The following PID1 variants were observed in gnomAD, a reference collection of about 807,000 sequenced individuals.
The protein encoded by PID1 is PTB-containing, cubilin and LRP1-interacting protein.
PID1 carries 10 observed loss-of-function variants against 19.1 expected under a neutral mutation model. The observed-to-expected ratio is 0.52, with a 90% CI of 0.32 to 0.89. The LOEUF is 0.89. Ranked by LOEUF, PID1 falls within the 40% of genes least tolerant of loss-of-function variation. The pLI is 0.03. For missense variants in PID1, 248 were observed against 285.3 expected (o/e 0.87, Z 0.94); for synonymous variants, 130 against 116.0 (o/e 1.12, Z -0.78).
At chr2:229,086,456 GT>G (rs1355262538) in intron 2 of PID1, among the ~76,000 whole-genome samples, 1 of 152,144 alleles carries the variant, frequency 6.6e-6, no homozygotes, top group Non-Finnish European at 1.5e-5. Context: ...CCAAGGGACA[GT>G]TTCTACTGAA....
intron 1 of PID1, among the ~76,000 whole-genome samples, chr2:229,251,041 T>C (rs1463052517): frequency 6.6e-6 from 1 of 152,196 alleles, no homozygotes; most frequent in Non-Finnish European, 1.5e-5. Context: ...AGTGCACTTT[T>C]ACCCTACAGT....
At chr2:229,192,087 AG>A (rs1691272315) in intron 1 of PID1, among the ~76,000 whole-genome samples, 1 of 152,194 alleles carries the variant, frequency 6.6e-6, no homozygotes, top group Non-Finnish European at 1.5e-5. Flanking sequence ...AGAAGAAAAT[AG>A]GGGGTATAAA....
chr2:229,107,743 C>T (rs1368599126), intron 2 of PID1, among the ~76,000 whole-genome samples: 2 of 152,150 alleles, frequency 1.3e-5, no homozygotes, highest in East Asian at 1.9e-4. Flanking sequence ...AGTGAGACAC[C>T]CTCAGCATAC....
At chr2:229,269,605 T>C (rs1478270252) in intron 1 of PID1, among the ~76,000 whole-genome samples, 1 of 152,228 alleles carries the variant, frequency 6.6e-6, no homozygotes, top group Non-Finnish European at 1.5e-5. Context: ...TCCTTTGGAA[T>C]AGAAGTTACG....
rs756993411 is a variant in PID1 at position 229,025,838 on chromosome 2, C to T, written c.448G>A (p.Val150Ile). 2 of 1,614,238 alleles carry T rather than the reference C, an allele frequency of 1.2e-6. No homozygotes were observed. The highest frequency in any genetic ancestry group is 1.7e-6 in the Non-Finnish European group (2 of 1,180,036). The change falls in exon 3 of 3, where the codon GTC becomes ATC. Residue 150 changes from valine (V) to isoleucine (I), a missense_variant. By Grantham distance (29) the Val-to-Ile change is conservative. Coordinates refer to ENST00000392055, the MANE Select transcript of PID1 (RefSeq NM_001100818.2). ...AGGTCATCATTGATCTCCCTGTAGA[C>T]CCAGGCGAAGATGTTGGGGCTCACG... ...HNVSPNIFAW[V>I]YREINDDLSY...
rs148369137 is a variant in PID1, at chr2:229,183,878, CTATA to C, written c.31-27918_31-27915del. Among the ~76,000 whole-genome samples the C allele has an allele frequency of 3.5e-3, 66 of 18,722 alleles. 27 individuals are homozygous for C. Among genetic ancestry groups the C allele is most frequent in the African/African-American group, 0.023 (57 of 2,504 alleles). The allele number at this position is 18,722 out of a possible 152,430, so 12.3% of individuals were successfully genotyped here. On this transcript the variant is annotated intron_variant, in intron 1 of 2. Transcript: ENST00000392055. ...CTCTCTCTCCTCACTCTCTCTCTTT[CTATA>C]TATATATATATATATATATATATAT... is the stretch of plus-strand genomic sequence containing the variant.
At chr2:229,045,454 T>A (rs1468249667) in intron 2 of PID1, among the ~76,000 whole-genome samples, 1 of 152,252 alleles carries the variant, frequency 6.6e-6, no homozygotes, top group Non-Finnish European at 1.5e-5. Flanking sequence ...TAATTTTCCT[T>A]AATGATTGGT....
intron 1 of PID1, among the ~76,000 whole-genome samples, chr2:229,199,363 T>C (rs998192452): frequency 2.0e-5 from 3 of 151,998 alleles, no homozygotes; most frequent in African/African-American, 7.2e-5. Context: ...ATATTTATTG[T>C]ATGCCTTCCA....
chr2:229,107,208 C>A (rs1433217140), intron 2 of PID1, among the ~76,000 whole-genome samples: 2 of 152,134 alleles, frequency 1.3e-5, no homozygotes, highest in African/African-American at 4.8e-5. Flanking sequence ...CCTGCTGTCA[C>A]CTTGATTTCA....
chr2:229,112,918 C>T (rs1193004854), intron 2 of PID1, among the ~76,000 whole-genome samples: 1 of 152,164 alleles, frequency 6.6e-6, no homozygotes, highest in Non-Finnish European at 1.5e-5. Flanking sequence ...ACAATGTTTT[C>T]ATTTTGCCTG....
At chr2:229,102,314 A>T (rs938218141) in intron 2 of PID1, among the ~76,000 whole-genome samples, 6 of 152,124 alleles carry the variant, frequency 3.9e-5, no homozygotes, top group Non-Finnish European at 7.4e-5. Context: ...ACTCATCACA[A>T]ATAAAAAAAA....
At chr2:229,201,550 A>C (rs2106240992) in intron 1 of PID1, among the ~76,000 whole-genome samples, 1 of 152,140 alleles carries the variant, frequency 6.6e-6, no homozygotes. Flanking sequence ...GGTTGCTTCC[A>C]TGCTTTGGCT....
intron 2 of PID1, among the ~76,000 whole-genome samples, chr2:229,125,416 A>C (rs1695603354): frequency 6.6e-6 from 1 of 152,186 alleles, no homozygotes; most frequent in Non-Finnish European, 1.5e-5. Context: ...AAAAAAAAAA[A>C]AAACCTGCTT....
chr2:229,147,448 G>C (rs1320294664), intron 2 of PID1, among the ~76,000 whole-genome samples: 1 of 151,840 alleles, frequency 6.6e-6, no homozygotes, highest in Non-Finnish European at 1.5e-5. Flanking sequence ...ATTATCCAGG[G>C]ATCACTTCTA....
At chr2:229,100,552 C>T (rs1007518504) in intron 2 of PID1, among the ~76,000 whole-genome samples, 1 of 152,246 alleles carries the variant, frequency 6.6e-6, no homozygotes, top group Non-Finnish European at 1.5e-5. Context: ...TTCTTGCTTC[C>T]GTTGCACAGG....
intron 1 of PID1, among the ~76,000 whole-genome samples, chr2:229,242,092 A>G (rs1475202065): frequency 6.6e-6 from 1 of 152,054 alleles, no homozygotes; most frequent in African/African-American, 2.4e-5. Flanking sequence ...GCTTTTCTCA[A>G]GCTCCTGAAA....
intron 2 of PID1, among the ~76,000 whole-genome samples, chr2:229,052,288 GA>G (rs1295395792): frequency 3.3e-5 from 5 of 150,952 alleles, no homozygotes; most frequent in African/African-American, 7.3e-5. Flanking sequence ...GGCCCCTGGG[GA>G]AAAAAAAATC....
Position 229,053,807 on chromosome 2 carries a change from C to T in PID1, c.178-27699G>A, listed in dbSNP as rs996665961. Among the ~76,000 whole-genome samples, 3 of 152,162 alleles carry T rather than the reference C, an allele frequency of 2.0e-5. No individual in the cohort carries two copies. The East Asian group carries it at 5.8e-4, about 29-fold the overall frequency. On this transcript the variant is annotated intron_variant, in intron 2 of 2. Transcript: ENST00000392055. ...TCTGCTCCCATTAAGTACATTCTTT[C>T]TAAAATGAAACCCAGCAATCAGGGA...
At position 229,025,263 on chromosome 2, in the gene PID1, T is replaced by C. The variant is rs995928053; in HGVS notation, c.*369A>G. ...AGGTGCCCCTAACATTCTTGTGGAA[T>C]TTCATAAGGCAGATCGGAATGGCCC... On this transcript the variant is annotated 3_prime_UTR_variant, in exon 3 of 3. Transcript: ENST00000392055. 5 of 202,676 alleles carry C rather than the reference T, an allele frequency of 2.5e-5. No individual in the cohort carries two copies. The highest frequency in any genetic ancestry group is 2.1e-4 in the Admixed American group (4 of 18,770). The allele number at this position is 202,676 out of a possible 1,614,324, so 12.6% of individuals were successfully genotyped here. A position where few individuals can be genotyped will look rare whatever the true frequency, so the allele number is the denominator to read the frequency against.
Sources: gnomAD v4.1 joint callset for allele counts (sites outside exome capture counted in the v4.1 genomes callset) on GRCh38, gnomAD v4.1.1 for gene constraint, MANE v1.5 for transcripts, NCBI Gene and HGNC (gene_info 2026-07-23, HGNC 2026-07-21) for gene names.